Variants in FRMPD1 observed in about 807,000 individuals in gnomAD.
FRMPD1 encodes the protein FERM and PDZ domain-containing protein 1.
FRMPD1 carries 76 observed loss-of-function variants against 117.8 expected under a neutral mutation model. That is an observed-to-expected ratio of 0.65 (90% CI 0.54 to 0.78). The LOEUF is 0.78. Among genes scored for constraint, FRMPD1 ranks in the 30% least tolerant of loss-of-function variants. The probability of loss-of-function intolerance (pLI) is 0.00; values close to 1 mark genes in which losing one functional copy is unlikely to be tolerated. For synonymous variants in FRMPD1, 783 were observed against 770.4 expected, an observed-to-expected ratio of 1.02 and a Z score of -0.27; for missense variants, 1,786 against 1,964.5, an observed-to-expected ratio of 0.91 and a Z score of 1.72.
chr9:37,637,967 T>TCTTTCTTTCTTTCTTTCTTTCTTTC, the FRMPD1 span, among the ~76,000 whole-genome samples: 4 of 55,464 alleles, frequency 7.2e-5, no homozygotes, highest in African/African-American at 2.9e-4. Flanking sequence ...GTGTATGCTT[T>TCTTTCTTTCTTTCTTTCTTTCTTTC]CTTTCTTTCT....
rs755815521 is a variant in FRMPD1, at chr9:37,745,849, A to G, written c.3817A>G (p.Asn1273Asp). 1.7e-5 allele frequency: 28 copies of G among 1,614,188 alleles called. No individual in the cohort carries two copies. In the South Asian group the frequency reaches 3.0e-4, roughly 17 times the overall value. ...PQEDPHLETSNHCLLSEGKSD... is the reference protein window; with the variant it reads ...PQEDPHLETSDHCLLSEGKSD... The stretch of plus-strand genomic sequence containing the variant: ...AGAGGATCCTCACTTAGAAACTTCA[A>G]ACCATTGCTTACTCTCAGAAGGCAA... Residue 1273 changes from asparagine (N) to aspartate (D), a missense_variant, in exon 16 of 16, where the codon AAC becomes GAC. Physicochemically the swap from Asn to Asp is conservative, Grantham distance 23 (BLOSUM62 1). Coordinates refer to ENST00000377765, the MANE Select transcript of FRMPD1 (RefSeq NM_014907.3).
At chr9:37,667,272 G>T (rs1490280069) in intron 1 of FRMPD1, among the ~76,000 whole-genome samples, 1 of 150,706 alleles carries the variant, frequency 6.6e-6, no homozygotes, top group Non-Finnish European at 1.5e-5. Context: ...CACCATGTTG[G>T]CCAGGCTGGT....
At chr9:37,655,903 G>T (rs1463813837) in intron 1 of FRMPD1, among the ~76,000 whole-genome samples, 1 of 152,080 alleles carries the variant, frequency 6.6e-6, no homozygotes, top group African/African-American at 2.4e-5. Flanking sequence ...TCCTGCCTAT[G>T]CCTGAAGGCT....
Position 37,740,289 on chromosome 9 carries a change from C to A in FRMPD1, c.1761C>A (p.Ser587=), listed in dbSNP as rs769428994. Residue 587 remains serine (S), a synonymous_variant, in exon 15 of 16, where the codon TCC becomes TCA. Transcript: ENST00000377765. This position sits in a 1 kb window ranked among gnomAD's most constrained non-coding sequence, Gnocchi z 4.2. Reference sequence around the variant, plus strand: ...GCAGCACGACAGACAGTGCCGAGTCCGAGGCGTCCGACTCAGCCAACACTG... The same window carrying A: ...GCAGCACGACAGACAGTGCCGAGTCAGAGGCGTCCGACTCAGCCAACACTG... ...GASSTTDSAE[S]EASDSANTES... is the part of the protein sequence containing the mutation. 1 of 1,613,604 alleles carries A rather than the reference C, an allele frequency of 6.2e-7. No homozygotes were observed. Among genetic ancestry groups the A allele is most frequent in the East Asian group, 2.2e-5 (1 of 44,870 alleles).
Position 37,732,380 on chromosome 9 carries a change from A to C in FRMPD1, c.935A>C (p.His312Pro). The change falls in exon 10 of 16, where the codon CAC (histidine) becomes CCC (proline). Residue 312 changes from histidine (H) to proline (P), a missense_variant. Physicochemically the swap from His to Pro is moderately conservative, Grantham distance 77. Transcript: ENST00000377765. ...TCTGCACTCCGACTCGCGGCTCTGC[A>C]CATCCAGGAACGGATCTACGCCTGT... ...CSSALRLAALHIQERIYACAQ... is the reference protein window; with the variant it reads ...CSSALRLAALPIQERIYACAQ... 1 of 1,613,946 alleles carries C rather than the reference A, an allele frequency of 6.2e-7. No individual in the cohort carries two copies. Among genetic ancestry groups the C allele is most frequent in the African/African-American group, 1.3e-5 (1 of 75,068 alleles).
chr9:37,690,321 TA>T (rs1366969639), intron 1 of FRMPD1, among the ~76,000 whole-genome samples: 2 of 152,142 alleles, frequency 1.3e-5, no homozygotes, highest in African/African-American at 4.8e-5. Context: ...TCTGATAGTT[TA>T]TTTTTAAAAA....
In FRMPD1 at chr9:37,704,010, C is replaced by T. The variant is rs553573392; in HGVS notation, c.102-3406C>T. The stretch of plus-strand genomic sequence containing the variant: ...GTAGACATTTATTTTCATTTCTCTC[C>T]GGTACATACCCAGGAGTGCAATTGC... On this transcript the variant is annotated intron_variant, in intron 2 of 15. Coordinates refer to ENST00000377765, the MANE Select transcript of FRMPD1 (RefSeq NM_014907.3). 2.0e-4 allele frequency among the ~76,000 whole-genome samples: 31 copies of T among 152,270 alleles called. No individual in the cohort carries two copies. In the East Asian group the frequency reaches 3.7e-3, roughly 18 times the overall value.
intron 1 of FRMPD1, among the ~76,000 whole-genome samples, chr9:37,671,665 A>T (rs1230834911): frequency 6.6e-6 from 1 of 152,198 alleles, no homozygotes; most frequent in Admixed American, 6.5e-5. Context: ...ATATAAACTG[A>T]GACCTGAAAA....
In FRMPD1 at chr9:37,701,510, C is replaced by CGTGTGT. The variant is rs58458625; in HGVS notation, c.102-5879_102-5874dup. Among the ~76,000 whole-genome samples, 983 of 146,892 alleles carry CGTGTGT rather than the reference C, an allele frequency of 6.7e-3. 11 individuals carry two copies. Among genetic ancestry groups the CGTGTGT allele is most frequent in the African/African-American group, 0.023 (908 of 39,186 alleles). On this transcript the variant is annotated intron_variant, in intron 2 of 15. Transcript: ENST00000377765. Reference sequence around the variant, plus strand: ...GTGTGCGCGCGTGTGTGTGCATGTACGTGTGTGTGTGTGTGTGTGTGTGTG... The same window carrying CGTGTGT: ...GTGTGCGCGCGTGTGTGTGCATGTACGTGTGTGTGTGTGTGTGTGTGTGTGTGTGTG...
intron 1 of FRMPD1, among the ~76,000 whole-genome samples, chr9:37,667,499 C>T (rs924936618): frequency 4.1e-4 from 57 of 140,252 alleles, no homozygotes; most frequent in African/African-American, 1.5e-3. Context: ...ATGGTGAGAC[C>T]CCATCTCTAC....
rs1824330554 is a variant in FRMPD1 at position 37,740,344 on chromosome 9, A to C, written c.1816A>C (p.Ser606Arg). The change falls in exon 15 of 16, where the codon AGT becomes CGT. Residue 606 changes from serine to arginine, a missense_variant. Physicochemically the swap from Ser to Arg is moderately radical, Grantham distance 110. Transcript: ENST00000377765. This position sits in a 1 kb window ranked among gnomAD's most constrained non-coding sequence, Gnocchi z 4.2. ...ESRGYRTSGS[S>R]ESMDALEEDD... ...CCGCGGCTACAGGACCAGTGGCTCG[A>C]GTGAGTCCATGGACGCTCTGGAAGA... 3 of 1,613,490 alleles carry C rather than the reference A, an allele frequency of 1.9e-6. No homozygotes were observed. The South Asian group carries it at 3.3e-5, about 18-fold the overall frequency.
At chr9:37,699,323 T>C (rs10973497) in intron 2 of FRMPD1, among the ~76,000 whole-genome samples, 164 of 115,344 alleles carry the variant, frequency 1.4e-3, no homozygotes, top group Admixed American at 2.1e-3. Context: ...GTCTCTCTCT[T>C]TTTTTTTTTT....
the FRMPD1 span, among the ~76,000 whole-genome samples, chr9:37,616,306 G>A: frequency 3.3e-5 from 5 of 151,220 alleles, no homozygotes; most frequent in Admixed American, 2.0e-4. Context: ...TAGTAAAGAC[G>A]GGGTTTCACC....
chr9:37,692,310 G>A (rs1822166652), intron 1 of FRMPD1, among the ~76,000 whole-genome samples: 1 of 152,158 alleles, frequency 6.6e-6, no homozygotes, highest in Non-Finnish European at 1.5e-5. Context: ...GGAGAGGGAA[G>A]GACGGTGTCA....
chr9:37,619,462 G>A, the FRMPD1 span, among the ~76,000 whole-genome samples: 1 of 152,142 alleles, frequency 6.6e-6, no homozygotes, highest in African/African-American at 2.4e-5. Context: ...AAAAGCTGCA[G>A]AGAAATTGAA....
intron 2 of FRMPD1, among the ~76,000 whole-genome samples, chr9:37,697,460 A>G (rs1822363232): frequency 6.6e-6 from 1 of 151,182 alleles, no homozygotes; most frequent in African/African-American, 2.4e-5. Context: ...CCAGCTACTC[A>G]GGAGGCTGAG....
rs778723487 is a variant in FRMPD1, at chr9:37,740,538, G to C, written c.2010G>C (p.Gln670His). The C allele has an allele frequency of 6.2e-7, 1 of 1,614,242 alleles. No homozygotes were observed. Among genetic ancestry groups the C allele is most frequent in the Non-Finnish European group, 8.5e-7 (1 of 1,180,030 alleles). The change falls in exon 15 of 16, where the codon CAG becomes CAC. Residue 670 changes from glutamine (Q) to histidine (H), a missense_variant. Physicochemically the swap from Gln to His is conservative, Grantham distance 24 (BLOSUM62 0). Transcript: ENST00000377765. The surrounding 1 kb of genome is among the most constrained non-coding windows in gnomAD (Gnocchi z 4.2). ...CCCAGAGAGCCAACCCCCAGTGCCA[G>C]AAGACAGAGTTTTCCGAGAGTGCTG... ...DLAQRANPQC[Q>H]KTEFSESAAL...
chr9:37,669,993 CAA>C (rs199845153), intron 1 of FRMPD1: 26 of 127,862 alleles, frequency 2.0e-4, no homozygotes, highest in South Asian at 5.0e-4. Context: ...AACTCTCTCT[CAA>C]AAAAAAAAAA....
chr9:37,739,645 C>A (rs1017451454), intron 14 of FRMPD1, among the ~76,000 whole-genome samples: 6 of 152,168 alleles, frequency 3.9e-5, no homozygotes, highest in Admixed American at 3.3e-4. Flanking sequence ...TGACTCAGTA[C>A]ATCAGGGGTA....
Sources: allele counts gnomAD v4.1 joint callset (sites outside exome capture counted in the v4.1 genomes callset), GRCh38; gene constraint gnomAD v4.1.1; non-coding constraint Gnocchi (gnomAD v3.1); transcripts MANE v1.5; gene names NCBI Gene and HGNC (gene_info 2026-07-23, HGNC 2026-07-21).